DLG2: variants seen among roughly 807,000 people sequenced by gnomAD.
The protein encoded by DLG2 is discs large MAGUK scaffold protein 2, also known as disks large homolog 2.
Under a neutral mutation model 132.5 loss-of-function variants are expected in DLG2, and 45 were observed. That is an observed-to-expected ratio of 0.34 (90% confidence interval 0.27 to 0.44). DLG2 has a LOEUF of 0.44. DLG2 is among the 20% of genes least tolerant of loss of function. The pLI, the probability that DLG2 is intolerant of heterozygous loss-of-function variation, is 1.00. For synonymous variants in DLG2, 424 were observed against 419.6 expected, an observed-to-expected ratio of 1.01 and a Z score of -0.13; for missense variants, 1,045 against 1,196.9, an observed-to-expected ratio of 0.87 and a Z score of 1.87.
chr11:84,087,784 C>A (rs1332190048), intron 10 of DLG2, among the ~76,000 whole-genome samples: 1 of 152,140 alleles, frequency 6.6e-6, no homozygotes, highest in Non-Finnish European at 1.5e-5. Context: ...GGAAAAGAAA[C>A]AAATTATCCC....
intron 9 of DLG2, among the ~76,000 whole-genome samples, chr11:84,158,412 A>G (rs35916353): frequency 0.074 from 11,255 of 152,190 alleles, 590 homozygotes; most frequent in African/African-American, 0.15. Flanking sequence ...GAAAGTCAAG[A>G]AAATCTGTTT....
intron 9 of DLG2, among the ~76,000 whole-genome samples, chr11:84,116,908 T>A (rs143121259): frequency 1.5e-4 from 23 of 152,312 alleles, no homozygotes; most frequent in African/African-American, 4.8e-4. Flanking sequence ...TTATGGCACT[T>A]TGTTATTATG....
Position 83,678,314 on chromosome 11 carries a change from T to C in DLG2, c.1826-44989A>G, listed in dbSNP as rs80052969. The stretch of plus-strand genomic sequence containing the variant: ...GCAGTGGAATTTTAGTTTACTACTC[T>C]GAAATAGAAGTAAATGTTCTGCAAC... On this transcript the variant is annotated intron_variant, in intron 18 of 27. Coordinates refer to ENST00000376104, the MANE Select transcript of DLG2 (RefSeq NM_001142699.3). Among the ~76,000 whole-genome samples, 354 of 152,328 alleles carry C rather than the reference T, an allele frequency of 2.3e-3. 2 individuals are homozygous for C. The highest frequency in any genetic ancestry group is 8.0e-3 in the African/African-American group (331 of 41,580).
chr11:83,723,253 A>G (rs2089167366), intron 18 of DLG2, among the ~76,000 whole-genome samples: 1 of 151,996 alleles, frequency 6.6e-6, no homozygotes, highest in Admixed American at 6.6e-5. Flanking sequence ...GGGGGCGGGC[A>G]CCTGTAATCC....
intron 8 of DLG2, among the ~76,000 whole-genome samples, chr11:84,193,930 T>G (rs1416154569): frequency 6.6e-6 from 1 of 152,144 alleles, no homozygotes; most frequent in East Asian, 1.9e-4. Flanking sequence ...CACAGAATCA[T>G]CAACACATAG....
chr11:84,322,238 C>T (rs778399637), intron 7 of DLG2, among the ~76,000 whole-genome samples: 3 of 152,136 alleles, frequency 2.0e-5, no homozygotes, highest in Non-Finnish European at 4.4e-5. Context: ...ATTTTAAAAA[C>T]AAAATGGCAA....
chr11:83,508,823 C>G (rs1019549676), intron 21 of DLG2, among the ~76,000 whole-genome samples: 1 of 152,214 alleles, frequency 6.6e-6, no homozygotes, highest in Non-Finnish European at 1.5e-5. Context: ...ACTCAGCTGT[C>G]TCGGACTCCA....
chr11:85,360,250 G>A (rs972166343), intron 3 of DLG2, among the ~76,000 whole-genome samples: 1 of 152,202 alleles, frequency 6.6e-6, no homozygotes, highest in African/African-American at 2.4e-5. Flanking sequence ...AATATAGGCT[G>A]TAATGTCTGA....
At chr11:84,324,749 G>A (rs2098422192) in intron 7 of DLG2, among the ~76,000 whole-genome samples, 1 of 152,078 alleles carries the variant, frequency 6.6e-6, no homozygotes, top group Non-Finnish European at 1.5e-5. Flanking sequence ...TCTGTTAAGT[G>A]TGTTCCTCAA....
intron 21 of DLG2, among the ~76,000 whole-genome samples, chr11:83,502,820 T>C (rs1006601204): frequency 2.0e-5 from 3 of 152,188 alleles, no homozygotes; most frequent in Admixed American, 2.0e-4. Context: ...TACACCAATT[T>C]AAAGTTACAG....
chr11:84,439,096 C>T (rs1254175027), intron 7 of DLG2, among the ~76,000 whole-genome samples: 1 of 152,180 alleles, frequency 6.6e-6, no homozygotes, highest in African/African-American at 2.4e-5. Context: ...GTTCATGTTA[C>T]TCACACTAAG....
chr11:84,915,766 G>C (rs988384952), intron 6 of DLG2, among the ~76,000 whole-genome samples: 3 of 152,190 alleles, frequency 2.0e-5, no homozygotes, highest in Non-Finnish European at 1.5e-5. Context: ...CCAGTCCAAA[G>C]AGGTACTTTA....
chr11:84,760,754 G>A (rs1215760202), intron 6 of DLG2, among the ~76,000 whole-genome samples: 2 of 152,178 alleles, frequency 1.3e-5, no homozygotes, highest in African/African-American at 4.8e-5. Flanking sequence ...GGAAAATACT[G>A]ATTAGAAGAG....
At chr11:85,523,729 G>C (rs553176661) in intron 3 of DLG2, among the ~76,000 whole-genome samples, 1 of 152,102 alleles carries the variant, frequency 6.6e-6, no homozygotes, top group African/African-American at 2.4e-5. Context: ...CCACTGCTGG[G>C]TACATACCCA....
chr11:84,311,100 G>A (rs1193115586), intron 7 of DLG2, among the ~76,000 whole-genome samples: 1 of 152,036 alleles, frequency 6.6e-6, no homozygotes, highest in Admixed American at 6.6e-5. Context: ...AACCTTGAAG[G>A]ACATAATGTC....
At chr11:84,566,770 TCCTCTAAC>T (rs2099457817) in intron 6 of DLG2, among the ~76,000 whole-genome samples, 1 of 152,168 alleles carries the variant, frequency 6.6e-6, no homozygotes, top group Admixed American at 6.5e-5. Flanking sequence ...CAGCTACAGT[TCCTCTAAC>T]CTTGTTCCAC....
intron 5 of DLG2, among the ~76,000 whole-genome samples, chr11:85,123,067 T>TC (rs1197271294): frequency 7.0e-6 from 1 of 142,112 alleles, no homozygotes; most frequent in Non-Finnish European, 1.5e-5. Context: ...AAGCTCCACC[T>TC]CCCGGGTTCA....
At chr11:85,594,172 G>C (rs1311247315) in intron 3 of DLG2, among the ~76,000 whole-genome samples, 1 of 152,190 alleles carries the variant, frequency 6.6e-6, no homozygotes, top group Non-Finnish European at 1.5e-5. Flanking sequence ...GAAAGGGCTA[G>C]TTAAAGCTGC....
At chr11:85,285,896 C>T (rs2078522017) in intron 3 of DLG2, among the ~76,000 whole-genome samples, 1 of 151,614 alleles carries the variant, frequency 6.6e-6, no homozygotes, top group South Asian at 2.1e-4. Flanking sequence ...GTGTTGGACA[C>T]ATAACATGAA....
Sources: allele counts gnomAD v4.1 joint callset (sites outside exome capture counted in the v4.1 genomes callset), GRCh38; gene constraint gnomAD v4.1.1; transcripts MANE v1.5; gene names NCBI Gene and HGNC (gene_info 2026-07-23, HGNC 2026-07-21).